Variants in KDM2B observed in about 807,000 individuals in gnomAD.
KDM2B encodes the protein lysine demethylase 2B.
Under a neutral mutation model 150.0 loss-of-function variants are expected in KDM2B, and 26 were observed. The ratio of observed to expected loss-of-function variants is 0.17; its 90% CI spans 0.13 to 0.24. The LOEUF (loss-of-function observed/expected upper bound fraction) is 0.24, where lower values mean the gene tolerates loss of function less well. KDM2B is among the 10% of genes least tolerant of loss of function. The pLI is 1.00. For missense variants in KDM2B, 1,265 were observed against 1,816.9 expected (o/e 0.70, Z 5.52); for synonymous variants, 734 against 729.5 (o/e 1.01, Z -0.10).
chr12:121,411,567 T>C, the KDM2B span, among the ~76,000 whole-genome samples: 1 of 152,208 alleles, frequency 6.6e-6, no homozygotes, highest in Admixed American at 6.5e-5. Context: ...AGTGCTGCTT[T>C]TAAAAAGGGG....
Position 121,498,175 on chromosome 12 carries a change from T to C in KDM2B, c.1648-3510A>G, listed in dbSNP as rs577801415. On this transcript the variant is annotated intron_variant, in intron 11 of 22. Transcript: ENST00000377071. ...TAAGAACAAATGAGCTTTCCAGAAATACACTCAGGTTTAGCCAGAGACCTC... is the reference window on the plus strand; with the variant it reads ...TAAGAACAAATGAGCTTTCCAGAAACACACTCAGGTTTAGCCAGAGACCTC... Among the ~76,000 whole-genome samples, 4 of 152,260 alleles carry C rather than the reference T, an allele frequency of 2.6e-5. No homozygotes were observed. The East Asian group carries it at 7.7e-4, about 29-fold the overall frequency.
At chr12:121,483,354 C>G (rs1455344685) in intron 12 of KDM2B, among the ~76,000 whole-genome samples, 2 of 151,764 alleles carry the variant, frequency 1.3e-5, no homozygotes, top group South Asian at 2.1e-4. Context: ...TATGTCCAGT[C>G]AACCAAAATG....
In KDM2B at chr12:121,513,533, C is replaced by T. The variant is rs1555304384; in HGVS notation, c.1048-131G>A. On this transcript the variant is annotated intron_variant, in intron 9 of 22. Coordinates refer to ENST00000377071, the MANE Select transcript of KDM2B (RefSeq NM_032590.5). The surrounding 1 kb of genome is among the most constrained non-coding windows in gnomAD (Gnocchi z 5.0). ...TCATCTTAGCGAGAGCATGGATGGT[C>T]GGGGGAGAAATGGTGGGGTGCTGGA... The T allele has an allele frequency of 9.8e-7, 1 of 1,022,794 alleles. No homozygotes were observed. Among genetic ancestry groups the T allele is most frequent in the Non-Finnish European group, 1.4e-6 (1 of 695,800 alleles). 63.4% of individuals were successfully genotyped at this position (1,022,794 alleles called of 1,614,324 possible). A position where few individuals can be genotyped will look rare whatever the true frequency, so the allele number is the denominator to read the frequency against.
chr12:121,451,115 CT>C (rs1240678268), intron 13 of KDM2B, among the ~76,000 whole-genome samples: 3 of 152,018 alleles, frequency 2.0e-5, no homozygotes, highest in South Asian at 2.1e-4. Context: ...CTGCCCCCCC[CT>C]TCTACCTCCT....
At chr12:121,446,329 C>T (rs1364949766) in intron 13 of KDM2B, among the ~76,000 whole-genome samples, 2 of 152,180 alleles carry the variant, frequency 1.3e-5, no homozygotes, top group African/African-American at 4.8e-5. Context: ...ACCCGGAAGA[C>T]AGAGGTTGCA....
the KDM2B span, among the ~76,000 whole-genome samples, chr12:121,416,792 A>C: frequency 6.6e-6 from 1 of 152,246 alleles, no homozygotes; most frequent in African/African-American, 2.4e-5. Flanking sequence ...TTAGAGATTC[A>C]ACATCAAATA....
chr12:121,481,975 T>C (rs1882205033), intron 12 of KDM2B, among the ~76,000 whole-genome samples: 1 of 151,950 alleles, frequency 6.6e-6, no homozygotes, highest in Admixed American at 6.6e-5. Flanking sequence ...GAGATGGGGT[T>C]TCATCATGTT....
chr12:121,486,853 G>A (rs188152012), intron 12 of KDM2B, among the ~76,000 whole-genome samples: 14 of 152,182 alleles, frequency 9.2e-5, no homozygotes, highest in African/African-American at 2.9e-4. Flanking sequence ...CACACCTGCA[G>A]TCTCAGCTAC....
intron 12 of KDM2B, among the ~76,000 whole-genome samples, chr12:121,485,612 G>T (rs1555298742): frequency 1.3e-5 from 2 of 151,876 alleles, no homozygotes; most frequent in Non-Finnish European, 2.9e-5. Flanking sequence ...CCGTCGGGGG[G>T]CAGTGGGAGG....
intron 4 of KDM2B, among the ~76,000 whole-genome samples, chr12:121,561,970 G>A (rs557308080): frequency 6.6e-6 from 1 of 152,246 alleles, no homozygotes; most frequent in East Asian, 1.9e-4. Flanking sequence ...TCAGGAGTTC[G>A]AGACCAGCCT....
upstream of KDM2B, among the ~76,000 whole-genome samples, chr12:121,582,008 G>C (rs749819317): frequency 6.6e-5 from 10 of 152,198 alleles, no homozygotes; most frequent in Non-Finnish European, 1.5e-4. Context: ...GGATGAGGCT[G>C]GGAAACATCA....
intron 13 of KDM2B, among the ~76,000 whole-genome samples, chr12:121,448,977 G>A (rs898363252): frequency 5.9e-5 from 9 of 152,202 alleles, no homozygotes; most frequent in Admixed American, 2.6e-4. Flanking sequence ...GCAAGGCCGC[G>A]GGGCCTCAAG....
intron 4 of KDM2B, among the ~76,000 whole-genome samples, chr12:121,559,786 C>T (rs1389925189): frequency 4.0e-5 from 6 of 151,830 alleles, no homozygotes; most frequent in Non-Finnish European, 8.8e-5. Context: ...GCCTGTAATC[C>T]CAGCTACTCG....
intron 13 of KDM2B, among the ~76,000 whole-genome samples, chr12:121,448,681 T>C (rs544853091): frequency 1.1e-4 from 16 of 152,118 alleles, no homozygotes; most frequent in African/African-American, 3.9e-4. Flanking sequence ...AAAGACTTGA[T>C]TAAATGGCGC....
chr12:121,500,321 C>T (rs1884416110), intron 11 of KDM2B, among the ~76,000 whole-genome samples: 1 of 152,142 alleles, frequency 6.6e-6, no homozygotes, highest in African/African-American at 2.4e-5. Context: ...CTTACACGCC[C>T]GTCCCCTCCG....
At chr12:121,485,365 C>T (rs534964206) in intron 12 of KDM2B, among the ~76,000 whole-genome samples, 2 of 152,178 alleles carry the variant, frequency 1.3e-5, no homozygotes, top group South Asian at 4.1e-4. Flanking sequence ...CCCGAAGTCG[C>T]CCTGTAAATT....
At position 121,477,574 on chromosome 12, in the gene KDM2B, C is replaced by T. The variant is rs1347300979; in HGVS notation, c.1734+17005G>A. ...AATTTTTTTCTTCTTTTCTTTTTGT[C>T]TTTCCTTTTTTTTTTTTTTGGAGAT... On this transcript the variant is annotated intron_variant, in intron 12 of 22. Transcript: ENST00000377071. Among the ~76,000 whole-genome samples, 444 of 111,826 alleles carry T rather than the reference C, an allele frequency of 4.0e-3. 5 individuals carry two copies. The highest frequency in any genetic ancestry group is 0.02 in the African/African-American group (427 of 21,580). The allele number at this position is 111,826 out of a possible 152,430, so 73.4% of individuals were successfully genotyped here.
At chr12:121,578,617 C>G (rs1891696174) in intron 2 of KDM2B, among the ~76,000 whole-genome samples, 185 bp downstream of exon 2, 1 of 152,052 alleles carries the variant, frequency 6.6e-6, no homozygotes, top group Non-Finnish European at 1.5e-5. Context: ...GCCCGGCCCC[C>G]CTTACTGCCT....
At chr12:121,501,072 G>A (rs1884499566) in intron 11 of KDM2B, among the ~76,000 whole-genome samples, 1 of 152,138 alleles carries the variant, frequency 6.6e-6, no homozygotes, top group East Asian at 1.9e-4. Flanking sequence ...TTGAACTCCA[G>A]CCTGGGCAAC....
Sources: allele counts gnomAD v4.1 joint callset (sites outside exome capture counted in the v4.1 genomes callset), GRCh38; gene constraint gnomAD v4.1.1; non-coding constraint Gnocchi (gnomAD v3.1); transcripts MANE v1.5; gene names NCBI Gene and HGNC (gene_info 2026-07-23, HGNC 2026-07-21).